CTNNA2: variants seen among roughly 807,000 people sequenced by gnomAD.
The protein encoded by CTNNA2 is catenin alpha-2.
In CTNNA2, 42 loss-of-function variants were observed where a neutral mutation model predicts 101.0. The ratio of observed to expected loss-of-function variants is 0.42; its 90% CI spans 0.32 to 0.54. The LOEUF (loss-of-function observed/expected upper bound fraction) is 0.54. CTNNA2 is among the 20% of genes least tolerant of loss of function. The pLI, the probability that CTNNA2 is intolerant of heterozygous loss-of-function variation, is 0.14. For synonymous variants in CTNNA2, 450 were observed against 456.4 expected (o/e 0.99, Z 0.18); for missense variants, 871 against 1,223.1 (o/e 0.71, Z 4.29).
intron 7 of CTNNA2, among the ~76,000 whole-genome samples, chr2:80,190,833 T>C (rs2148997023): frequency 6.6e-6 from 1 of 152,322 alleles, no homozygotes; most frequent in South Asian, 2.1e-4. Context: ...TTCTAAATTA[T>C]AGGGATTCCT....
At chr2:79,357,964 T>C (rs1390222533) in intron 3 of CTNNA2, among the ~76,000 whole-genome samples, 1 of 152,212 alleles carries the variant, frequency 6.6e-6, no homozygotes, top group Non-Finnish European at 1.5e-5. Context: ...CTTGACTCTA[T>C]CTTATTTTAC....
chr2:80,277,808 A>G (rs1674038110), intron 7 of CTNNA2, among the ~76,000 whole-genome samples: 1 of 152,068 alleles, frequency 6.6e-6, no homozygotes, highest in Non-Finnish European at 1.5e-5. Flanking sequence ...CTTCTTTGTC[A>G]TCAACCACGT....
At position 79,632,470 on chromosome 2, in the gene CTNNA2, G is replaced by A. The variant is rs1358533804; in HGVS notation, c.-5-19082G>A. Among the ~76,000 whole-genome samples, 7 of 152,238 alleles carry A rather than the reference G, an allele frequency of 4.6e-5. No homozygotes were observed. The South Asian group carries it at 1.4e-3, about 32-fold the overall frequency. ...CAAATAGCTAATGAGGATCAATAAT[G>A]TTTTTATAGTGCGATGCTTCTAGAT... On this transcript the variant is annotated intron_variant, in intron 1 of 18. Transcript: ENST00000402739.
intron 7 of CTNNA2, among the ~76,000 whole-genome samples, chr2:80,261,836 T>C (rs775006256): frequency 3.3e-4 from 50 of 152,194 alleles, no homozygotes; most frequent in Non-Finnish European, 6.2e-4. Flanking sequence ...TTTCTCCCTA[T>C]GCCTAAATAG....
intron 3 of CTNNA2, among the ~76,000 whole-genome samples, chr2:79,817,645 T>C (rs1255757837): frequency 6.6e-6 from 1 of 152,160 alleles, no homozygotes; most frequent in Non-Finnish European, 1.5e-5. Context: ...TCTTATGAGA[T>C]GTTCAATGGG....
At chr2:79,393,628 GAAAAAA>G (rs71385270) in intron 4 of CTNNA2, among the ~76,000 whole-genome samples, 3 of 89,034 alleles carry the variant, frequency 3.4e-5, no homozygotes, top group Non-Finnish European at 4.7e-5. Flanking sequence ...TGTTCACAGA[GAAAAAA>G]AAAAAAAAAA....
At chr2:79,938,754 G>A (rs1455208843) in intron 7 of CTNNA2, among the ~76,000 whole-genome samples, 4 of 152,044 alleles carry the variant, frequency 2.6e-5, no homozygotes, top group Non-Finnish European at 5.9e-5. Context: ...AGGGCACAAT[G>A]TGTAGTAATG....
chr2:80,492,221 C>T lies in CTNNA2; in HGVS notation c.1291-52761C>T, dbSNP rs115433945. ...TTTAAAAGTGTGTAGCACCTTCCCA[C>T]TTTCTCTCTTCCTCCTGCTCCTGAC... On this transcript the variant is annotated intron_variant, in intron 9 of 18. Transcript: ENST00000402739. 5.3e-3 allele frequency among the ~76,000 whole-genome samples: 808 copies of T among 152,290 alleles called. 3 individuals carry two copies. The highest frequency in any genetic ancestry group is 0.018 in the African/African-American group (768 of 41,556).
intron 9 of CTNNA2, among the ~76,000 whole-genome samples, chr2:80,490,212 G>T (rs923165497): frequency 6.0e-5 from 9 of 150,392 alleles, no homozygotes; most frequent in South Asian, 2.1e-4. Context: ...TAAATTATTT[G>T]AAAGTAATTA....
At chr2:80,214,939 T>C (rs934065608) in intron 7 of CTNNA2, among the ~76,000 whole-genome samples, 2 of 152,232 alleles carry the variant, frequency 1.3e-5, no homozygotes, top group Admixed American at 6.5e-5. Flanking sequence ...CCATATTTCT[T>C]GGAGCCTTTG....
At chr2:79,635,648 C>T (rs1283951414) in intron 1 of CTNNA2, among the ~76,000 whole-genome samples, 3 of 149,070 alleles carry the variant, frequency 2.0e-5, no homozygotes, top group African/African-American at 4.9e-5. Flanking sequence ...GGATTACAGG[C>T]GCCCGCCACC....
chr2:80,442,449 A>G (rs1333279247), intron 9 of CTNNA2, among the ~76,000 whole-genome samples: 1 of 152,212 alleles, frequency 6.6e-6, no homozygotes, highest in African/African-American at 2.4e-5. Flanking sequence ...GCAAGTGCTC[A>G]CATCTCATGC....
intron 9 of CTNNA2, among the ~76,000 whole-genome samples, chr2:80,456,333 C>T (rs964731852): frequency 2.0e-5 from 3 of 152,202 alleles, no homozygotes; most frequent in Non-Finnish European, 4.4e-5. Flanking sequence ...TTTGGATGAT[C>T]TGGTATTGCT....
At chr2:79,202,337 T>TA (rs151091555) in intron 2 of CTNNA2, among the ~76,000 whole-genome samples, 24,613 of 145,888 alleles carry the variant, frequency 0.17, 2,175 homozygotes, top group African/African-American at 0.19. Flanking sequence ...GTTTTTTTAT[T>TA]TTTTTTATTT....
chr2:79,656,551 T>A (rs1171967981), intron 2 of CTNNA2, among the ~76,000 whole-genome samples: 1 of 152,266 alleles, frequency 6.6e-6, no homozygotes, highest in African/African-American at 2.4e-5. Flanking sequence ...TGTTGATTAA[T>A]ATTTAAAATA....
intron 7 of CTNNA2, among the ~76,000 whole-genome samples, chr2:79,934,866 A>T (rs1687675263): frequency 6.6e-6 from 1 of 152,244 alleles, no homozygotes; most frequent in Non-Finnish European, 1.5e-5. Context: ...GAATAAATGC[A>T]CCAAGGTTTT....
At chr2:80,203,031 A>C (rs894351237) in intron 7 of CTNNA2, among the ~76,000 whole-genome samples, 1 of 152,134 alleles carries the variant, frequency 6.6e-6, no homozygotes, top group Non-Finnish European at 1.5e-5. Flanking sequence ...TGTTTTTAAA[A>C]CCATGAGCTC....
intron 7 of CTNNA2, among the ~76,000 whole-genome samples, chr2:80,254,778 A>G (rs1004699877): frequency 6.6e-6 from 1 of 152,140 alleles, no homozygotes; most frequent in African/African-American, 2.4e-5. Flanking sequence ...AAGTCATGAA[A>G]ATTGTATTTA....
At chr2:79,292,172 G>A (rs1675839471) in intron 2 of CTNNA2, among the ~76,000 whole-genome samples, 1 of 152,166 alleles carries the variant, frequency 6.6e-6, no homozygotes, top group Admixed American at 6.5e-5. Context: ...TTCTTTACGT[G>A]CTTAATTAAA....
Sources: gnomAD v4.1 joint callset for allele counts (sites outside exome capture counted in the v4.1 genomes callset) on GRCh38, gnomAD v4.1.1 for gene constraint, MANE v1.5 for transcripts, NCBI Gene and HGNC (gene_info 2026-07-23, HGNC 2026-07-21) for gene names.